The following DYNC2I2 variants were observed in gnomAD, a reference collection of about 807,000 sequenced individuals.
The protein encoded by DYNC2I2 is dynein 2 intermediate chain 2, also known as cytoplasmic dynein 2 intermediate chain 2.
DYNC2I2 carries 39 observed loss-of-function variants against 52.0 expected under a neutral mutation model. That is an observed-to-expected ratio of 0.75 (90% CI 0.58 to 0.98). The LOEUF (loss-of-function observed/expected upper bound fraction) is 0.98, where lower values mean the gene tolerates loss of function less well. Ranked by LOEUF, DYNC2I2 falls within the 50% of genes least tolerant of loss-of-function variation. The pLI, the probability that DYNC2I2 is intolerant of heterozygous loss-of-function variation, is 0.00. For synonymous variants in DYNC2I2, 359 were observed against 321.1 expected (o/e 1.12, Z -1.26); for missense variants, 743 against 728.4 (o/e 1.02, Z -0.23).
chr9:128,644,653 G>A lies in DYNC2I2; in HGVS notation c.187-3714C>T, dbSNP rs117423124. ...TCAGCCACGGTGCCCTCCCGAACAC[G>A]TGCGAAGCTGGGCCGCACCACGTGT... On this transcript the variant is annotated intron_variant, in intron 1 of 8. Transcript: ENST00000372715. Among the ~76,000 whole-genome samples, 422 of 152,208 alleles carry A rather than the reference G, an allele frequency of 2.8e-3. 9 individuals are homozygous for A. In the East Asian group the frequency reaches 0.04, roughly 14 times the overall value.
At chr9:128,673,771 G>A in the DYNC2I2 span, among the ~76,000 whole-genome samples, 2 of 150,710 alleles carry the variant, frequency 1.3e-5, no homozygotes, top group East Asian at 3.9e-4. Flanking sequence ...CTCCCAAAGT[G>A]CTAGGATTAC....
chr9:128,637,116 T>C lies in DYNC2I2; in HGVS notation c.436-89A>G. 3.4e-6 allele frequency: 3 copies of C among 893,748 alleles called. No individual in the cohort carries two copies. The East Asian group carries it at 7.8e-5, about 23-fold the overall frequency. The allele number at this position is 893,748 out of a possible 1,614,324, so 55.4% of individuals were successfully genotyped here. A position where few individuals can be genotyped will look rare whatever the true frequency, so the allele number is the denominator to read the frequency against. On this transcript the variant is annotated intron_variant, in intron 2 of 8. Coordinates refer to ENST00000372715, the MANE Select transcript of DYNC2I2 (RefSeq NM_052844.4). Reference sequence around the variant, plus strand: ...AAACCCCACCTAGGCCAGGCCACCCTTAGCCCTAGAGGCCCTCAAGTCCAT... The same window carrying C: ...AAACCCCACCTAGGCCAGGCCACCCCTAGCCCTAGAGGCCCTCAAGTCCAT...
chr9:128,668,869 T>C, the DYNC2I2 span, among the ~76,000 whole-genome samples: 19 of 144,746 alleles, frequency 1.3e-4, no homozygotes, highest in South Asian at 3.6e-3. Flanking sequence ...CTTGAATACA[T>C]AGAAATAAAA....
rs369671684 is a variant in DYNC2I2 at position 128,634,100 on chromosome 9, G to C, written c.1373-118C>G. ...GTGCAGCCACAGTGGCTTTGAGTTGGGTTGCTGGAGGGAAGCCGTCCTTAC... is the reference window on the plus strand; with the variant it reads ...GTGCAGCCACAGTGGCTTTGAGTTGCGTTGCTGGAGGGAAGCCGTCCTTAC... On this transcript the variant is annotated intron_variant, in intron 8 of 8. Transcript: ENST00000372715. 1.4e-5 allele frequency: 22 copies of C among 1,551,070 alleles called. No individual in the cohort carries two copies. In the African/African-American group the frequency reaches 1.6e-4, roughly 12 times the overall value.
At chr9:128,674,788 C>T in the DYNC2I2 span, among the ~76,000 whole-genome samples, 3 of 152,084 alleles carry the variant, frequency 2.0e-5, no homozygotes, top group Non-Finnish European at 4.4e-5. Context: ...CCATGTCGTG[C>T]GGCTGGTCTC....
chr9:128,655,821 G>A (rs1860810707), intron 1 of DYNC2I2, among the ~76,000 whole-genome samples: 1 of 146,670 alleles, frequency 6.8e-6, no homozygotes, highest in Non-Finnish European at 1.5e-5. Flanking sequence ...TGGGGCAGGA[G>A]AATGGCGTGA....
chr9:128,634,873 T>A lies in DYNC2I2; in HGVS notation c.1030A>T (p.Ser344Cys), dbSNP rs75751993. The A allele has an allele frequency of 6.2e-7, 1 of 1,613,338 alleles. No homozygotes were observed. Residue 344 changes from serine to cysteine, a missense_variant, in exon 7 of 9, where the codon AGC (serine) becomes TGC (cysteine). Physicochemically the swap from Ser to Cys is moderately radical, Grantham distance 112. Transcript: ENST00000372715. ...AGAATGAACAGCCTAGGGTCAAAGC[T>A]GGAGAAGGCCACTGCCGTGGCGCCC... ...EVGATAVAFS[S>C]FDPRLFILGT...
At chr9:128,645,435 G>C (rs1387559162) in intron 1 of DYNC2I2, among the ~76,000 whole-genome samples, 1 of 147,666 alleles carries the variant, frequency 6.8e-6, no homozygotes, top group African/African-American at 2.5e-5. Context: ...TGGGCAACAA[G>C]AGTGAAACTC....
At chr9:128,677,084 G>A in the DYNC2I2 span, among the ~76,000 whole-genome samples, 6 of 151,794 alleles carry the variant, frequency 4.0e-5, no homozygotes, top group African/African-American at 1.2e-4. Context: ...TCCTGACCTC[G>A]TGATCCACCT....
chr9:128,670,458 C>A, the DYNC2I2 span, among the ~76,000 whole-genome samples: 1 of 150,368 alleles, frequency 6.7e-6, no homozygotes, highest in Non-Finnish European at 1.5e-5. Flanking sequence ...AAAAGAGAGG[C>A]CAAACACAGT....
chr9:128,656,643 G>T lies in DYNC2I2; in HGVS notation c.84C>A (p.Ser28Arg), dbSNP rs930865385. The T allele has an allele frequency of 6.6e-7, 1 of 1,503,860 alleles. No individual in the cohort carries two copies. Among genetic ancestry groups the T allele is most frequent in the Non-Finnish European group, 8.8e-7 (1 of 1,134,294 alleles). The allele number at this position is 1,503,860 out of a possible 1,614,324, so 93.2% of individuals were successfully genotyped here. ...VAALATVGVASGPGPGRPGPL... is the reference protein window; with the variant it reads ...VAALATVGVARGPGPGRPGPL... ...GCCCTGGCCGCCCCGGCCCCGGGCC[G>T]CTCGCAACCCCGACTGTCGCCAGCG... is the stretch of plus-strand genomic sequence containing the variant. Residue 28 changes from serine to arginine, a missense_variant, in exon 1 of 9, where the codon AGC (serine) becomes AGA (arginine). Physicochemically the swap from Ser to Arg is moderately radical, Grantham distance 110. Coordinates refer to ENST00000372715, the MANE Select transcript of DYNC2I2 (RefSeq NM_052844.4).
In DYNC2I2 at chr9:128,655,908, CAA is replaced by C. The variant is rs538687665; in HGVS notation, c.186+631_186+632del. The stretch of plus-strand genomic sequence containing the variant: ...CCTGGGCGACAGAGCGAGACTGTCT[CAA>C]AAAAAAAAAAAAAAAGCCTGAACGC... On this transcript the variant is annotated intron_variant, in intron 1 of 8. Coordinates refer to ENST00000372715, the MANE Select transcript of DYNC2I2 (RefSeq NM_052844.4). Among the ~76,000 whole-genome samples, 292 of 41,066 alleles carry C rather than the reference CAA, an allele frequency of 7.1e-3. 5 individuals carry two copies. The East Asian group carries it at 0.1, about 14-fold the overall frequency. The allele number at this position is 41,066 out of a possible 152,430, so 26.9% of individuals were successfully genotyped here.
chr9:128,671,965 T>TTTTA, the DYNC2I2 span, among the ~76,000 whole-genome samples: 152 of 143,042 alleles, frequency 1.1e-3, no homozygotes, highest in Non-Finnish European at 1.5e-3. Context: ...ATTTTTGTAT[T>TTTTA]TTTATTTATT....
the DYNC2I2 span, among the ~76,000 whole-genome samples, chr9:128,681,773 C>T: frequency 6.6e-6 from 1 of 152,114 alleles, no homozygotes; most frequent in Non-Finnish European, 1.5e-5. Flanking sequence ...AGACAAGCGG[C>T]TTTCTAAAAA....
intron 2 of DYNC2I2, among the ~76,000 whole-genome samples, chr9:128,639,822 C>T (rs1002707238): frequency 6.6e-5 from 10 of 151,692 alleles, no homozygotes; most frequent in East Asian, 5.9e-4. Flanking sequence ...TGCACCACCA[C>T]GCCTGGCTAA....
At chr9:128,669,985 T>C in the DYNC2I2 span, among the ~76,000 whole-genome samples, 1 of 152,070 alleles carries the variant, frequency 6.6e-6, no homozygotes, top group Non-Finnish European at 1.5e-5. Flanking sequence ...GGCCTAAAAA[T>C]ACAAAAATTG....
At chr9:128,671,233 A>C in the DYNC2I2 span, among the ~76,000 whole-genome samples, 1 of 151,930 alleles carries the variant, frequency 6.6e-6, no homozygotes, top group Middle Eastern at 3.4e-3. Context: ...CAGGAGTTCA[A>C]GACTACAGGG....
intron 1 of DYNC2I2, among the ~76,000 whole-genome samples, chr9:128,653,864 G>C (rs1430642505): frequency 6.6e-6 from 1 of 151,584 alleles, no homozygotes; most frequent in Non-Finnish European, 1.5e-5. Flanking sequence ...ACAAAAAATT[G>C]ACCAGGCGTG....
intron 8 of DYNC2I2, 81 bp from the exon 9 acceptor site, chr9:128,634,063 C>A: frequency 1.3e-6 from 2 of 1,570,300 alleles, no homozygotes; most frequent in South Asian, 2.3e-5. Context: ...TGCCCGGGTT[C>A]AATCCTGTTG....
Sources: allele counts gnomAD v4.1 joint callset (sites outside exome capture counted in the v4.1 genomes callset), GRCh38; gene constraint gnomAD v4.1.1; transcripts MANE v1.5; gene names NCBI Gene and HGNC (gene_info 2026-07-23, HGNC 2026-07-21).